WDPCP: variants seen among roughly 807,000 people sequenced by gnomAD.
WDPCP encodes the protein WD repeat containing planar cell polarity effector, also known as WD repeat-containing and planar cell polarity effector protein fritz homolog.
In WDPCP, 71 loss-of-function variants were observed where a neutral mutation model predicts 93.1. That is an observed-to-expected ratio of 0.76 (90% CI 0.63 to 0.93). WDPCP has a LOEUF of 0.93. Among genes scored for constraint, WDPCP ranks in the 40% least tolerant of loss-of-function variants. The pLI, the probability that WDPCP is intolerant of heterozygous loss-of-function variation, is 0.00. For missense variants in WDPCP, 844 were observed against 887.4 expected, an observed-to-expected ratio of 0.95 and a Z score of 0.62; for synonymous variants, 315 against 315.0, an observed-to-expected ratio of 1.00 and a Z score of 0.00.
At chr2:63,839,726 C>T in the WDPCP span, among the ~76,000 whole-genome samples, 1 of 152,176 alleles carries the variant, frequency 6.6e-6, no homozygotes. Context: ...AATTTTTGTA[C>T]TGTATACAAA....
intron 2 of WDPCP, among the ~76,000 whole-genome samples, chr2:63,808,639 T>C (rs1162953243): frequency 5.3e-5 from 8 of 152,204 alleles, no homozygotes; most frequent in Admixed American, 3.3e-4. Flanking sequence ...CTCGTTCACT[T>C]AGTGCTCAAT....
chr2:63,143,690 A>G (rs1240797056), intron 17 of WDPCP, among the ~76,000 whole-genome samples: 1 of 152,178 alleles, frequency 6.6e-6, no homozygotes, highest in African/African-American at 2.4e-5. Flanking sequence ...TCTTTGCTTC[A>G]TACATGATGC....
At chr2:63,765,557 C>G (rs1670125708) in intron 2 of WDPCP, among the ~76,000 whole-genome samples, 1 of 152,186 alleles carries the variant, frequency 6.6e-6, no homozygotes, top group Non-Finnish European at 1.5e-5. Flanking sequence ...AGGCAGGTGT[C>G]TGGTTACCCC....
intron 11 of WDPCP, among the ~76,000 whole-genome samples, chr2:63,378,828 C>G (rs950254724): frequency 2.0e-5 from 3 of 152,074 alleles, no homozygotes; most frequent in African/African-American, 7.2e-5. Flanking sequence ...CTAGTACTTC[C>G]AGTAAAATCA....
intron 17 of WDPCP, among the ~76,000 whole-genome samples, chr2:63,143,014 G>A (rs1217542529): frequency 2.6e-5 from 4 of 151,790 alleles, no homozygotes; most frequent in African/African-American, 4.8e-5. Context: ...GCAGTGGTGC[G>A]ATCTTGGCTC....
At chr2:63,802,669 T>TTGTAC (rs1670713953) in intron 2 of WDPCP, among the ~76,000 whole-genome samples, 1 of 152,214 alleles carries the variant, frequency 6.6e-6, no homozygotes, top group South Asian at 2.1e-4. Flanking sequence ...TTTTGCTGCA[T>TTGTAC]TGTACCTAGT....
At position 63,512,202 on chromosome 2, in the gene WDPCP, C is replaced by T. The variant is rs1251279218; in HGVS notation, c.76-19262G>A. Among the ~76,000 whole-genome samples the T allele has an allele frequency of 2.6e-5, 4 of 152,146 alleles. No homozygotes were observed. In the South Asian group the frequency reaches 6.2e-4, roughly 24 times the overall value. On this transcript the variant is annotated intron_variant, in intron 1 of 17. Coordinates refer to ENST00000272321, the MANE Select transcript of WDPCP (RefSeq NM_015910.7). ...AAAACCACAATGAGATACTATCTTA[C>T]GCCAGTTAGGATAGCAATCATTAAA...
intron 17 of WDPCP, among the ~76,000 whole-genome samples, chr2:63,138,635 G>A (rs1670818689): frequency 6.6e-6 from 1 of 151,838 alleles, no homozygotes; most frequent in African/African-American, 2.4e-5. Context: ...TGTATTTTTA[G>A]TAGAGATGGG....
chr2:63,493,985 A>T (rs954122630), intron 1 of WDPCP, among the ~76,000 whole-genome samples: 2 of 152,182 alleles, frequency 1.3e-5, no homozygotes, highest in Non-Finnish European at 2.9e-5. Flanking sequence ...TATTTCCCAT[A>T]GTATCCATAT....
chr2:63,443,762 G>A (rs1462968585), intron 6 of WDPCP, among the ~76,000 whole-genome samples: 4 of 152,192 alleles, frequency 2.6e-5, no homozygotes, highest in Non-Finnish European at 5.9e-5. Context: ...AATGCTGAAG[G>A]AAATGATAAG....
intron 1 of WDPCP, among the ~76,000 whole-genome samples, chr2:63,530,330 G>A (rs1357657429): frequency 6.6e-6 from 1 of 152,106 alleles, no homozygotes. Flanking sequence ...TTTCTCTTGT[G>A]GGCATTTAGT....
intron 1 of WDPCP, among the ~76,000 whole-genome samples, chr2:63,579,988 T>A (rs1435886758): frequency 6.6e-6 from 1 of 152,152 alleles, no homozygotes; most frequent in Non-Finnish European, 1.5e-5. Context: ...TCAGCCCCCT[T>A]CCTCTCTGTC....
chr2:63,382,978 T>C (rs1692438714), intron 10 of WDPCP, among the ~76,000 whole-genome samples: 1 of 152,172 alleles, frequency 6.6e-6, no homozygotes, highest in African/African-American at 2.4e-5. Flanking sequence ...TATTAATTCA[T>C]AGGAACTTTG....
intron 14 of WDPCP, among the ~76,000 whole-genome samples, chr2:63,201,482 TACTC>T (rs1273046079): frequency 3.3e-5 from 5 of 152,240 alleles, no homozygotes. Context: ...TTTACACTGA[TACTC>T]ATTGAGTGAG....
At chr2:63,267,932 A>C (rs1682279197) in intron 13 of WDPCP, among the ~76,000 whole-genome samples, 1 of 152,142 alleles carries the variant, frequency 6.6e-6, no homozygotes, top group Non-Finnish European at 1.5e-5. Flanking sequence ...CTTAAAAAAA[A>C]CTAAAAACAC....
chr2:63,746,854 A>G (rs1295248347), intron 2 of WDPCP, among the ~76,000 whole-genome samples: 1 of 152,088 alleles, frequency 6.6e-6, no homozygotes, highest in Non-Finnish European at 1.5e-5. Context: ...TCGCCCTGAC[A>G]TTCTGCCTTG....
At chr2:63,392,685 T>C (rs1461283495) in intron 10 of WDPCP, among the ~76,000 whole-genome samples, 3 of 151,900 alleles carry the variant, frequency 2.0e-5, no homozygotes, top group African/African-American at 7.3e-5. Context: ...CAAATAAATT[T>C]ACAAGAAAAA....
At chr2:63,809,774 C>T (rs1002108834) in intron 2 of WDPCP, among the ~76,000 whole-genome samples, 9 of 152,078 alleles carry the variant, frequency 5.9e-5, no homozygotes, top group African/African-American at 1.7e-4. Context: ...ACAAACACTG[C>T]GGAAGGCCGC....
intron 14 of WDPCP, among the ~76,000 whole-genome samples, chr2:63,211,226 C>T (rs1246380322): frequency 6.6e-6 from 1 of 152,186 alleles, no homozygotes; most frequent in African/African-American, 2.4e-5. Context: ...TGACTGACAC[C>T]TCATACAGCC....
Sources: allele counts gnomAD v4.1 joint callset (sites outside exome capture counted in the v4.1 genomes callset), GRCh38; gene constraint gnomAD v4.1.1; transcripts MANE v1.5; gene names NCBI Gene and HGNC (gene_info 2026-07-23, HGNC 2026-07-21).